The following KLHL14 variants were observed in gnomAD, a reference collection of about 807,000 sequenced individuals.
KLHL14 encodes kelch-like protein 14.
KLHL14 carries 22 observed loss-of-function variants against 64.3 expected under a neutral mutation model. That is an observed-to-expected ratio of 0.34 (90% CI 0.24 to 0.49). The LOEUF is 0.49. KLHL14 is among the 20% of genes least tolerant of loss of function. The pLI is 0.99. For synonymous variants in KLHL14, 322 were observed against 333.4 expected (o/e 0.97, Z 0.37); for missense variants, 661 against 789.0 (o/e 0.84, Z 1.94).
intron 2 of KLHL14, among the ~76,000 whole-genome samples, chr18:32,752,537 T>G (rs2050260197): frequency 6.6e-6 from 1 of 152,220 alleles, no homozygotes; most frequent in African/African-American, 2.4e-5. Context: ...TCATTTTTCT[T>G]TGGATGTCTC....
chr18:32,743,720 T>C (rs555272694), intron 2 of KLHL14: 1 of 152,356 alleles, frequency 6.6e-6, no homozygotes, highest in South Asian at 2.1e-4. Flanking sequence ...AGAGCCCCCA[T>C]ACTTGGAGGA....
chr18:32,712,418 C>A (rs1462448948), intron 3 of KLHL14, among the ~76,000 whole-genome samples: 1 of 152,158 alleles, frequency 6.6e-6, no homozygotes, highest in Non-Finnish European at 1.5e-5. Flanking sequence ...ACTGTGCCTT[C>A]CTTTTGTTAG....
rs1207836260 is a variant in KLHL14, at chr18:32,680,490, C to T, written c.1348G>A (p.Glu450Lys). ...GGCAAAGAGGACACATAGCGCCATT[C>T]ATTCGTTTCTAGGTTATAGCACTCC... is the stretch of plus-strand genomic sequence containing the variant. ...SVECYNLETN[E>K]WRYVSSLPQP... Residue 450 changes from glutamate to lysine, a missense_variant, in exon 6 of 9, where the codon GAA becomes AAA. Physicochemically the swap from Glu to Lys is moderately conservative, Grantham distance 56 (BLOSUM62 1). Coordinates refer to ENST00000359358, the MANE Select transcript of KLHL14 (RefSeq NM_020805.3). This position sits in a 1 kb window ranked among gnomAD's most constrained non-coding sequence, Gnocchi z 4.8. The T allele has an allele frequency of 3.7e-6, 6 of 1,613,992 alleles. No homozygotes were observed. In the Admixed American group the frequency reaches 6.7e-5, roughly 18 times the overall value.
intron 2 of KLHL14, among the ~76,000 whole-genome samples, chr18:32,760,525 C>A (rs1302405035): frequency 6.6e-6 from 1 of 152,196 alleles, no homozygotes; most frequent in Admixed American, 6.5e-5. Flanking sequence ...GCACATAAGG[C>A]AGGGAAGTGA....
intron 1 of KLHL14, 143 bp downstream of exon 1, chr18:32,772,521 TAGG>T (rs1486460893): frequency 6.5e-6 from 1 of 153,674 alleles, no homozygotes; most frequent in Non-Finnish European, 1.4e-5. Context: ...TTTCTTGCAA[TAGG>T]AGTTTTTTCT....
chr18:32,682,990 A>G (rs895756265), intron 5 of KLHL14, among the ~76,000 whole-genome samples: 10 of 152,218 alleles, frequency 6.6e-5, no homozygotes, highest in Admixed American at 6.5e-5. Context: ...GTGCAGCATT[A>G]GTCTAGAAGA....
chr18:32,704,076 T>G (rs529442035), intron 3 of KLHL14, among the ~76,000 whole-genome samples: 4 of 152,336 alleles, frequency 2.6e-5, no homozygotes, highest in East Asian at 1.9e-4. Flanking sequence ...AAAAGGCTCA[T>G]GTCAAAAATA....
At chr18:32,747,082 A>G (rs562394344) in intron 2 of KLHL14, among the ~76,000 whole-genome samples, 7 of 152,332 alleles carry the variant, frequency 4.6e-5, no homozygotes, top group African/African-American at 1.7e-4. Context: ...ATTTGAAATG[A>G]ATCTTAGGTT....
chr18:32,756,163 T>C (rs1966213401), intron 2 of KLHL14, among the ~76,000 whole-genome samples: 1 of 152,146 alleles, frequency 6.6e-6, no homozygotes, highest in African/African-American at 2.4e-5. Flanking sequence ...GAGGCCCTGA[T>C]CCAATATGAC....
intron 2 of KLHL14, among the ~76,000 whole-genome samples, chr18:32,751,309 C>T (rs976941620): frequency 1.3e-5 from 2 of 152,174 alleles, no homozygotes; most frequent in African/African-American, 4.8e-5. Flanking sequence ...ATTTAGGTGT[C>T]TTTATCATAG....
chr18:32,682,677 C>A (rs2144468536), intron 5 of KLHL14, among the ~76,000 whole-genome samples: 1 of 152,250 alleles, frequency 6.6e-6, no homozygotes, highest in East Asian at 1.9e-4. Flanking sequence ...TAAACTGATT[C>A]CTTCTATTTC....
At chr18:32,727,361 T>C (rs888880702) in intron 3 of KLHL14, among the ~76,000 whole-genome samples, 2 of 152,136 alleles carry the variant, frequency 1.3e-5, no homozygotes, top group Non-Finnish European at 1.5e-5. Context: ...GAGTAAGACA[T>C]AGAAGATGAA....
intron 3 of KLHL14, among the ~76,000 whole-genome samples, chr18:32,727,979 A>G (rs2050115971): frequency 6.6e-6 from 1 of 152,102 alleles, no homozygotes; most frequent in Non-Finnish European, 1.5e-5. Flanking sequence ...AAGCAGCGGT[A>G]GAAGCTGCAA....
At chr18:32,721,566 C>T (rs1211472124) in intron 3 of KLHL14, among the ~76,000 whole-genome samples, 2 of 152,156 alleles carry the variant, frequency 1.3e-5, no homozygotes, top group Admixed American at 6.5e-5. Context: ...TATATTTCTA[C>T]CTATTTTCTG....
At chr18:32,768,266 A>G (rs1205596661) in intron 2 of KLHL14, among the ~76,000 whole-genome samples, 1 of 152,152 alleles carries the variant, frequency 6.6e-6, no homozygotes, top group African/African-American at 2.4e-5. Flanking sequence ...GGGTTTTGTT[A>G]CAAGTTCAAG....
At position 32,707,861 on chromosome 18, in the gene KLHL14, G is replaced by T. The variant is rs146714335; in HGVS notation, c.1070-12309C>A. On this transcript the variant is annotated intron_variant, in intron 3 of 8. Coordinates refer to ENST00000359358, the MANE Select transcript of KLHL14 (RefSeq NM_020805.3). ...GTAATAAATCATAGCTGTAAGTATGGCTATTCTATAATCCTGTTAGTTCTC... is the reference window on the plus strand; with the variant it reads ...GTAATAAATCATAGCTGTAAGTATGTCTATTCTATAATCCTGTTAGTTCTC... Among the ~76,000 whole-genome samples the T allele has an allele frequency of 3.9e-5, 6 of 152,250 alleles. No homozygotes were observed. In the East Asian group the frequency reaches 1.2e-3, roughly 29 times the overall value.
intron 4 of KLHL14, among the ~76,000 whole-genome samples, chr18:32,690,001 T>C (rs1322357267): frequency 1.4e-5 from 2 of 146,962 alleles, no homozygotes; most frequent in Non-Finnish European, 3.1e-5. Flanking sequence ...TGGTTTTCTG[T>C]ATCCACATTT....
intron 4 of KLHL14, among the ~76,000 whole-genome samples, chr18:32,687,910 C>G (rs889294948): frequency 3.3e-5 from 5 of 152,114 alleles, no homozygotes; most frequent in African/African-American, 1.2e-4. Context: ...CTATGCATAT[C>G]AAGTAAGTTC....
chr18:32,719,094 A>C lies in KLHL14; in HGVS notation c.1069+22834T>G, dbSNP rs552024610. On this transcript the variant is annotated intron_variant, in intron 3 of 8. Transcript: ENST00000359358. The stretch of plus-strand genomic sequence containing the variant: ...CTCCCGAGTAGCTGGGATTGCAGGC[A>C]TGTGCCACCACACCTGGGTAATTTT... 3.9e-5 allele frequency among the ~76,000 whole-genome samples: 6 copies of C among 152,290 alleles called. No individual in the cohort carries two copies. The East Asian group carries it at 1.2e-3, about 29-fold the overall frequency.
Sources: gnomAD v4.1 joint callset for allele counts (sites outside exome capture counted in the v4.1 genomes callset) on GRCh38, gnomAD v4.1.1 for gene constraint, Gnocchi (gnomAD v3.1) non-coding constraint, MANE v1.5 for transcripts, NCBI Gene and HGNC (gene_info 2026-07-23, HGNC 2026-07-21) for gene names.